The following DLGAP3 variants were observed in gnomAD, a reference collection of about 807,000 sequenced individuals.
DLGAP3 encodes DLG associated protein 3.
Under a neutral mutation model 81.2 loss-of-function variants are expected in DLGAP3, and 17 were observed. That is an observed-to-expected ratio of 0.21 (90% CI 0.14 to 0.31). The LOEUF is 0.31. Among genes scored for constraint, DLGAP3 ranks in the 10% least tolerant of loss-of-function variants. The probability of loss-of-function intolerance (pLI) is 1.00; values close to 1 mark genes in which losing one functional copy is unlikely to be tolerated. For synonymous variants in DLGAP3, 577 were observed against 587.4 expected, an observed-to-expected ratio of 0.98 and a Z score of 0.26; for missense variants, 1,124 against 1,388.0, an observed-to-expected ratio of 0.81 and a Z score of 3.02.
At chr1:34,874,990 G>T (rs1465153052) in intron 8 of DLGAP3, among the ~76,000 whole-genome samples, 1 of 152,120 alleles carries the variant, frequency 6.6e-6, no homozygotes. Context: ...GCTGTGACAG[G>T]GATGCCAAGG....
At position 34,885,861 on chromosome 1, in the gene DLGAP3, C is replaced by G. The variant is rs967948792; in HGVS notation, c.1601-70G>C. ...CCTGCCTGGGTCCTGGGCCCGCGCC[C>G]GACTCCCACCCTCAAGAGGCCCTAC... On this transcript the variant is annotated intron_variant, in intron 6 of 11. Transcript: ENST00000373347. The G allele has an allele frequency of 3.1e-6, 4 of 1,290,900 alleles. No homozygotes were observed. In the East Asian group the frequency reaches 1.1e-4, roughly 34 times the overall value. 80.0% of individuals were successfully genotyped at this position (1,290,900 alleles called of 1,614,324 possible). A position where few individuals can be genotyped will look rare whatever the true frequency, so the allele number is the denominator to read the frequency against.
chr1:34,926,979 G>A (rs1469812620), intron 1 of DLGAP3, among the ~76,000 whole-genome samples: 1 of 152,212 alleles, frequency 6.6e-6, no homozygotes, highest in Non-Finnish European at 1.5e-5. Context: ...TCAGCTGGAA[G>A]AGATGATGTT....
intron 8 of DLGAP3, among the ~76,000 whole-genome samples, chr1:34,883,111 ACTAC>A (rs1639169157): frequency 1.3e-5 from 2 of 152,160 alleles, no homozygotes; most frequent in African/African-American, 4.8e-5. Context: ...ATAAAATCCC[ACTAC>A]CTATTATATC....
Position 34,867,227 on chromosome 1 carries a change from C to A in DLGAP3, c.2578-36G>T. ...GGAAGATGGAGGGAAAGTGATTGGTCAAGGAGGTCTGAGCCCCAGCCAGGA... is the reference window on the plus strand; with the variant it reads ...GGAAGATGGAGGGAAAGTGATTGGTAAAGGAGGTCTGAGCCCCAGCCAGGA... On this transcript the variant is annotated intron_variant, in intron 10 of 11. Transcript: ENST00000373347. The surrounding 1 kb of genome is among the most constrained non-coding windows in gnomAD (Gnocchi z 4.3). The A allele has an allele frequency of 1.2e-6, 2 of 1,613,482 alleles. No homozygotes were observed. Among genetic ancestry groups the A allele is most frequent in the South Asian group, 2.2e-5 (2 of 91,012 alleles).
rs758998680 is a variant in DLGAP3, at chr1:34,867,664, G to A, written c.2486-37C>T. 6.6e-7 allele frequency: 1 copy of A among 1,510,180 alleles called. No homozygotes were observed. Among genetic ancestry groups the A allele is most frequent in the South Asian group, 1.1e-5 (1 of 89,014 alleles). 93.5% of individuals were successfully genotyped at this position (1,510,180 alleles called of 1,614,324 possible). ...AAGGAAATTCAGGGAGGGAAATGATGCATCTCCTTCCCCAGCCTCCACGAA... is the reference window on the plus strand; with the variant it reads ...AAGGAAATTCAGGGAGGGAAATGATACATCTCCTTCCCCAGCCTCCACGAA... On this transcript the variant is annotated intron_variant, in intron 9 of 11. Transcript: ENST00000373347. This position sits in a 1 kb window ranked among gnomAD's most constrained non-coding sequence, Gnocchi z 4.3.
At chr1:34,885,105 G>A in intron 7 of DLGAP3, 42 bp from the exon 8 acceptor site, 1 of 1,566,912 alleles carries the variant, frequency 6.4e-7, no homozygotes, top group East Asian at 2.2e-5. Context: ...GGCGAGCCAA[G>A]GTGAAAGCCC....
In DLGAP3 at chr1:34,886,260, A is replaced by G. The variant is rs1378901437; in HGVS notation, c.1412T>C (p.Leu471Pro). The G allele has an allele frequency of 6.2e-7, 1 of 1,604,320 alleles. No individual in the cohort carries two copies. The highest frequency in any genetic ancestry group is 2.2e-5 in the East Asian group (1 of 44,454). The change falls in exon 6 of 12, where the codon CTG (leucine) becomes CCG (proline). Residue 471 changes from leucine to proline, a missense_variant. Transcript: ENST00000373347. Reference sequence around the variant, plus strand: ...AAACACCGACCCGCACACGGCCTCCAGCTGCTGGTTCAACTCATCGCTGAG... The same window carrying G: ...AAACACCGACCCGCACACGGCCTCCGGCTGCTGGTTCAACTCATCGCTGAG... ...GQLSDELNQQ[L>P]EAVCGSVFGE...
At chr1:34,878,789 G>A (rs944955730) in intron 8 of DLGAP3, among the ~76,000 whole-genome samples, 1 of 152,224 alleles carries the variant, frequency 6.6e-6, no homozygotes, top group Non-Finnish European at 1.5e-5. Flanking sequence ...TCCAGAAGCT[G>A]GGTGGGCGCA....
chr1:34,885,925 C>A, intron 6 of DLGAP3, 134 bp from the exon 7 acceptor site: 1 of 1,130,678 alleles, frequency 8.8e-7, no homozygotes, highest in Non-Finnish European at 1.2e-6. Flanking sequence ...TGCTGCTGCA[C>A]ACACGCCAAC....
chr1:34,886,207 C>T lies in DLGAP3; in HGVS notation c.1465G>A (p.Ala489Thr), dbSNP rs1398378872. The part of the protein sequence containing the change: ...FGELESQAVD[A>T]LDLPGCFRMR... ...CGGAAACAGCCGGGCAGGTCCAGGG[C>T]GTCCACGGCCTGGGACTCCAGCTCC... The change falls in exon 6 of 12, where the codon GCC becomes ACC. Residue 489 changes from alanine (A) to threonine (T), a missense_variant. This residue lies in a region of DLGAP3 where 357 missense variants were observed against 408.8 expected (regional missense o/e 0.87). Transcript: ENST00000373347. The T allele has an allele frequency of 1.2e-6, 2 of 1,611,290 alleles. No homozygotes were observed. Among genetic ancestry groups the T allele is most frequent in the Non-Finnish European group, 1.7e-6 (2 of 1,179,294 alleles).
chr1:34,882,424 G>A (rs1335297336), intron 8 of DLGAP3, among the ~76,000 whole-genome samples: 1 of 152,096 alleles, frequency 6.6e-6, no homozygotes, highest in Non-Finnish European at 1.5e-5. Context: ...GTTGCAGTGA[G>A]CCGAGATCAT....
At chr1:34,924,081 C>T (rs1157925328) in intron 1 of DLGAP3, among the ~76,000 whole-genome samples, 1 of 152,248 alleles carries the variant, frequency 6.6e-6, no homozygotes, top group East Asian at 1.9e-4. Flanking sequence ...TCTCATCCCC[C>T]TGGGATGACA....
At chr1:34,881,332 TAA>T (rs1169006526) in intron 8 of DLGAP3, among the ~76,000 whole-genome samples, 1 of 152,202 alleles carries the variant, frequency 6.6e-6, no homozygotes, top group Non-Finnish European at 1.5e-5. Flanking sequence ...GCTTCCCAGC[TAA>T]AAGACTATAC....
chr1:34,896,020 A>G lies in DLGAP3; in HGVS notation c.1386+3649T>C, dbSNP rs542537238. ...CTACAAAATTCTTAGGAGAAATATT[A>G]GAGTAAATTTTTGTGATCTTGCATT... On this transcript the variant is annotated intron_variant, in intron 5 of 11. Transcript: ENST00000373347. Among the ~76,000 whole-genome samples the G allele has an allele frequency of 1.1e-3, 168 of 152,272 alleles. 1 individual carries two copies. The highest frequency in any genetic ancestry group is 1.9e-3 in the Non-Finnish European group (128 of 68,024).
At chr1:34,926,096 T>C (rs1161640868) in intron 1 of DLGAP3, among the ~76,000 whole-genome samples, 1 of 152,218 alleles carries the variant, frequency 6.6e-6, no homozygotes. Flanking sequence ...TGTTTTCACA[T>C]GTTAACAGCC....
At chr1:34,906,034 T>TATATATATATATATATATATATA (rs1557492434) in intron 2 of DLGAP3, among the ~76,000 whole-genome samples, 7 of 39,122 alleles carry the variant, frequency 1.8e-4, no homozygotes, top group Non-Finnish European at 2.3e-4. Flanking sequence ...ATATATATAT[T>TATATATATATATATATATATATA]TGTTTGTTTT....
chr1:34,866,301 C>T lies in DLGAP3; in HGVS notation c.2722G>A (p.Glu908Lys). ...ANSWKLLEPK[E>K]EKKVPPPIPK... ...ATCGGCGGAGGGACCTTCTTCTCCT[C>T]CTGCGGGGCAGAGGGCGTCGCTGAG... The change falls in exon 12 of 12, where the codon GAG becomes AAG. Residue 908 changes from glutamate to lysine, a missense_variant and splice_region_variant. Coordinates refer to ENST00000373347, the MANE Select transcript of DLGAP3 (RefSeq NM_001080418.3). 6.6e-7 allele frequency: 1 copy of T among 1,520,018 alleles called. No homozygotes were observed. Among genetic ancestry groups the T allele is most frequent in the Non-Finnish European group, 8.8e-7 (1 of 1,133,768 alleles). 94.2% of individuals were successfully genotyped at this position (1,520,018 alleles called of 1,614,324 possible).
Position 34,899,679 on chromosome 1 carries a change from G to A in DLGAP3, c.1376C>T (p.Thr459Ile). The change falls in exon 5 of 12, where the codon ACC becomes ATC. Residue 459 changes from threonine (T) to isoleucine (I), a missense_variant. Physicochemically the swap from Thr to Ile is moderately conservative, Grantham distance 89. Coordinates refer to ENST00000373347, the MANE Select transcript of DLGAP3 (RefSeq NM_001080418.3). ...TGGGCCTCTCCCTACCTGTCCAGTG[G>A]TGAGGGAACGGCTGTAGCCAGGGAT... ...SSIPGYSRSL[T>I]TGQLSDELNQ... 1.2e-6 allele frequency: 2 copies of A among 1,613,870 alleles called. No homozygotes were observed. The highest frequency in any genetic ancestry group is 1.7e-6 in the Non-Finnish European group (2 of 1,179,884).
At chr1:34,905,671 A>G (rs1464222850) in intron 2 of DLGAP3, among the ~76,000 whole-genome samples, 1 of 152,110 alleles carries the variant, frequency 6.6e-6, no homozygotes, top group Non-Finnish European at 1.5e-5. Context: ...ATAAATACTT[A>G]TTCACAAGAG....
Sources: gnomAD v4.1 joint callset for allele counts (sites outside exome capture counted in the v4.1 genomes callset) on GRCh38, gnomAD v4.1.1 for gene constraint, gnomAD v4.1.1 regional missense constraint, Gnocchi (gnomAD v3.1) non-coding constraint, MANE v1.5 for transcripts, NCBI Gene and HGNC (gene_info 2026-07-23, HGNC 2026-07-21) for gene names.